PPM1F: variants seen among roughly 807,000 people sequenced by gnomAD.
The protein encoded by PPM1F is protein phosphatase 1F.
Under a neutral mutation model 35.5 loss-of-function variants are expected in PPM1F, and 17 were observed. The observed-to-expected ratio is 0.48, with a 90% CI of 0.33 to 0.72. The LOEUF is 0.72. PPM1F is among the 30% of genes least tolerant of loss of function. PPM1F has a pLI of 0.02. For synonymous variants in PPM1F, 241 were observed against 255.5 expected (o/e 0.94, Z 0.54); for missense variants, 521 against 613.0 (o/e 0.85, Z 1.59).
intron 2 of PPM1F, chr22:21,945,324 C>T (rs1912403953): frequency 6.5e-6 from 1 of 153,216 alleles, no homozygotes; most frequent in Non-Finnish European, 1.5e-5. Flanking sequence ...CATAGCGAGA[C>T]CCCATTCTCC....
intron 6 of PPM1F, 116 bp from the exon 7 acceptor site, chr22:21,925,778 G>T: frequency 1.3e-6 from 1 of 757,906 alleles, no homozygotes; most frequent in Non-Finnish European, 2.0e-6. Context: ...CAAAGCCGCA[G>T]CACTGGAACA....
intron 1 of PPM1F, chr22:21,951,850 T>C (rs1250774144): frequency 6.6e-6 from 1 of 152,234 alleles, no homozygotes; most frequent in Non-Finnish European, 1.5e-5. Flanking sequence ...GCGAACTCAA[T>C]CAAGGTCTCT....
rs747264218 is a variant in PPM1F, at chr22:21,934,079, T to C, written c.503A>G (p.Lys168Arg). ...SIHAIRNTRR[K>R]MEDRHVSLPS... ...GAGGGACACGTGCCGGTCCTCCATC[T>C]TGCGGCGAGTGTTCCGGATGGCGTG... Residue 168 changes from lysine to arginine, a missense_variant, in exon 4 of 8, where the codon AAG becomes AGG. Around this residue, in one of 3 missense-constraint regions of PPM1F, gnomAD observed 311 missense variants for 351.5 expected, o/e 0.88. Coordinates refer to ENST00000263212, the MANE Select transcript of PPM1F (RefSeq NM_014634.4). The C allele has an allele frequency of 1.1e-5, 17 of 1,564,932 alleles. No homozygotes were observed. The South Asian group carries it at 1.8e-4, about 16-fold the overall frequency.
At chr22:21,945,651 G>A in intron 2 of PPM1F, 192 bp downstream of exon 2, 1 of 570,138 alleles carries the variant, frequency 1.8e-6, no homozygotes, top group Non-Finnish European at 3.1e-6. Context: ...AATGAGCTTT[G>A]GCTGTGTTGA....
Position 21,922,915 on chromosome 22 carries a change from A to G in PPM1F, c.*177T>C, listed in dbSNP as rs112740079. The stretch of plus-strand genomic sequence containing the variant: ...CCACCATCTGCCCGCCACCCAGTGC[A>G]GTTCCACAGCCACCAGGACGGGCTG... On this transcript the variant is annotated 3_prime_UTR_variant, in exon 8 of 8. Transcript: ENST00000263212. 702 of 779,594 alleles carry G rather than the reference A, an allele frequency of 9.0e-4. 8 individuals are homozygous for G. The African/African-American group carries it at 0.011, about 12-fold the overall frequency. The allele number at this position is 779,594 out of a possible 1,614,324, so 48.3% of individuals were successfully genotyped here.
In PPM1F at chr22:21,920,500, G is replaced by C. The variant is rs2145786977; in HGVS notation, c.*2592C>G. The C allele has an allele frequency of 1.3e-5, 2 of 152,506 alleles. No individual in the cohort carries two copies. The highest frequency in any genetic ancestry group is 1.3e-4 in the Admixed American group (2 of 15,306). 9.4% of individuals were successfully genotyped at this position (152,506 alleles called of 1,614,324 possible). On this transcript the variant is annotated 3_prime_UTR_variant, in exon 8 of 8. Transcript: ENST00000263212. ...TCTTGGTGCAGTCCTGGTCAAGATGGAAGAGCGCTCCTCTGTGCCCAGCTG... is the reference window on the plus strand; with the variant it reads ...TCTTGGTGCAGTCCTGGTCAAGATGCAAGAGCGCTCCTCTGTGCCCAGCTG...
In PPM1F at chr22:21,939,632, T is replaced by C. The variant is rs773545884; in HGVS notation, c.255A>G (p.Ser85=). The change falls in exon 3 of 8, where the codon TCA becomes TCG. Residue 85 remains serine, a synonymous_variant. Coordinates refer to ENST00000263212, the MANE Select transcript of PPM1F (RefSeq NM_014634.4). This position sits in a 1 kb window ranked among gnomAD's most constrained non-coding sequence, Gnocchi z 5.1. ...CGGAAAGGTCTGTCTGTAGCAGCTG[T>C]GAAACTGCTTCGTGGGCCAGAGCAG... ...LAAALAHEAV[S]QLLQTDLSEF... 140 of 1,557,410 alleles carry C rather than the reference T, an allele frequency of 9.0e-5. No individual in the cohort carries two copies. Among genetic ancestry groups the C allele is most frequent in the Admixed American group, 3.7e-4 (19 of 51,452 alleles).
chr22:21,927,471 C>T (rs1304270106), intron 6 of PPM1F, among the ~76,000 whole-genome samples: 2 of 152,242 alleles, frequency 1.3e-5, no homozygotes, highest in East Asian at 1.9e-4. Flanking sequence ...CACCCCAGCC[C>T]ACTCCAGCCC....
chr22:21,926,639 A>G (rs1186311150), intron 6 of PPM1F, among the ~76,000 whole-genome samples: 1 of 152,130 alleles, frequency 6.6e-6, no homozygotes, highest in Non-Finnish European at 1.5e-5. Context: ...CCTGCACAAC[A>G]GCATCCCTGA....
chr22:21,933,710 AG>A, intron 4 of PPM1F, 131 bp from the exon 5 acceptor site: 1 of 836,524 alleles, frequency 1.2e-6, no homozygotes, highest in East Asian at 2.7e-5. Flanking sequence ...TGTGCGTATG[AG>A]GGGGTAGGTT....
chr22:21,926,690 G>A (rs1393421099), intron 6 of PPM1F, among the ~76,000 whole-genome samples: 1 of 152,174 alleles, frequency 6.6e-6, no homozygotes, highest in Non-Finnish European at 1.5e-5. Context: ...CACCTCCCAA[G>A]TCTACTGGGG....
rs372241204 is a variant in PPM1F at position 21,931,123 on chromosome 22, G to A, written c.891+25C>T. ...CATGATGGAGGCCAGGAATATCCTG[G>A]GCCTGGGCGCAGGGATCCCCTTACC... On this transcript the variant is annotated intron_variant, in intron 6 of 7. Transcript: ENST00000263212. 7.4e-6 allele frequency: 12 copies of A among 1,612,896 alleles called. No individual in the cohort carries two copies. In the African/African-American group the frequency reaches 1.5e-4, roughly 20 times the overall value.
chr22:21,927,551 C>G (rs1311943886), intron 6 of PPM1F, among the ~76,000 whole-genome samples: 1 of 152,266 alleles, frequency 6.6e-6, no homozygotes, highest in Non-Finnish European at 1.5e-5. Context: ...CCCATGCCCT[C>G]TGGAGGTGGC....
At chr22:21,940,473 CAAAA>C (rs749859056) in intron 2 of PPM1F, 2 of 130,100 alleles carry the variant, frequency 1.5e-5, no homozygotes, top group Non-Finnish European at 3.4e-5. Flanking sequence ...ATGCTGTCTC[CAAAA>C]AAAAAAAACA....
chr22:21,938,041 T>A, intron 3 of PPM1F: 1 of 1,199,010 alleles, frequency 8.3e-7, no homozygotes, highest in Middle Eastern at 2.4e-4. Flanking sequence ...AGGGAGAGCA[T>A]GATCAAGGCC....
At chr22:21,928,780 C>T (rs1031819541) in intron 6 of PPM1F, among the ~76,000 whole-genome samples, 1 of 152,164 alleles carries the variant, frequency 6.6e-6, no homozygotes, top group African/African-American at 2.4e-5. Flanking sequence ...GCCCTTTCCT[C>T]CTGGTCTCTC....
At chr22:21,930,722 G>A (rs1222803502) in intron 6 of PPM1F, among the ~76,000 whole-genome samples, 2 of 152,208 alleles carry the variant, frequency 1.3e-5, no homozygotes, top group Admixed American at 6.5e-5. Flanking sequence ...ATGTCCAGGT[G>A]ATGACCTGAG....
chr22:21,936,375 G>A (rs577306241), intron 3 of PPM1F: 2 of 151,548 alleles, frequency 1.3e-5, no homozygotes, highest in Admixed American at 1.3e-4. Flanking sequence ...GCAGTTCCAC[G>A]GACAGCTTTT....
intron 1 of PPM1F, chr22:21,946,416 C>T (rs1297851513): frequency 1.1e-5 from 2 of 179,826 alleles, no homozygotes; most frequent in East Asian, 1.4e-4. Context: ...GACAGGGATG[C>T]CGAGGCCAGG....
Sources: gnomAD v4.1 joint callset for allele counts (sites outside exome capture counted in the v4.1 genomes callset) on GRCh38, gnomAD v4.1.1 for gene constraint, gnomAD v4.1.1 regional missense constraint, Gnocchi (gnomAD v3.1) non-coding constraint, MANE v1.5 for transcripts, NCBI Gene and HGNC (gene_info 2026-07-23, HGNC 2026-07-21) for gene names.